Variants in PCDH15 observed in about 807,000 individuals in gnomAD.
PCDH15 encodes the protein protocadherin-15.
PCDH15 carries 129 observed loss-of-function variants against 178.5 expected under a neutral mutation model. The observed-to-expected ratio is 0.72, with a 90% CI of 0.63 to 0.84. The LOEUF (loss-of-function observed/expected upper bound fraction) is 0.84. PCDH15 is among the 40% of genes least tolerant of loss of function. PCDH15 has a pLI of 0.00. For synonymous variants in PCDH15, 800 were observed against 732.0 expected (o/e 1.09, Z -1.50); for missense variants, 2,230 against 2,099.9 (o/e 1.06, Z -1.21).
chr10:54,722,941 A>T (rs1252167026), intron 1 of PCDH15, among the ~76,000 whole-genome samples: 1 of 151,796 alleles, frequency 6.6e-6, no homozygotes, highest in Non-Finnish European at 1.5e-5. Context: ...GATTGGAAGA[A>T]TCAACATCAT....
At chr10:55,605,143 T>C (rs1183789110) in intron 2 of PCDH15, among the ~76,000 whole-genome samples, 3 of 151,352 alleles carry the variant, frequency 2.0e-5, no homozygotes, top group Non-Finnish European at 4.4e-5. Flanking sequence ...CTAGAAAATC[T>C]ACAAGAAATG....
chr10:55,320,590 T>C (rs531833884), upstream of PCDH15, among the ~76,000 whole-genome samples: 1 of 152,222 alleles, frequency 6.6e-6, no homozygotes, highest in Non-Finnish European at 1.5e-5. Flanking sequence ...GCCCTTCCAG[T>C]GCAGCAAGCT....
intron 2 of PCDH15, among the ~76,000 whole-genome samples, chr10:54,542,081 C>A (rs965541638): frequency 6.6e-6 from 1 of 152,060 alleles, no homozygotes; most frequent in Admixed American, 6.6e-5. Context: ...TAAATATGTC[C>A]TTAGCTGTCC....
intron 23 of PCDH15, among the ~76,000 whole-genome samples, chr10:53,952,565 C>T (rs909820551): frequency 2.0e-5 from 3 of 152,162 alleles, no homozygotes; most frequent in Non-Finnish European, 4.4e-5. Flanking sequence ...GGAGAAAGCA[C>T]CATAAGTTCT....
chr10:53,895,687 G>A (rs1279325756), intron 26 of PCDH15, among the ~76,000 whole-genome samples: 1 of 152,118 alleles, frequency 6.6e-6, no homozygotes, highest in Admixed American at 6.6e-5. Flanking sequence ...AAGACAACAT[G>A]CAATAAACTG....
chr10:54,401,131 G>A (rs1309102822), intron 3 of PCDH15, among the ~76,000 whole-genome samples: 1 of 151,972 alleles, frequency 6.6e-6, no homozygotes, highest in Admixed American at 6.6e-5. Flanking sequence ...TTCAGAGATA[G>A]TGCCTGGCTC....
intron 8 of PCDH15, among the ~76,000 whole-genome samples, chr10:54,261,571 G>T (rs942375555): frequency 6.6e-6 from 1 of 152,040 alleles, no homozygotes; most frequent in Non-Finnish European, 1.5e-5. Context: ...TATTAGATTT[G>T]TACCTGATAA....
chr10:53,824,384 TA>T (rs1262895909), intron 32 of PCDH15, among the ~76,000 whole-genome samples: 1 of 152,272 alleles, frequency 6.6e-6, no homozygotes, highest in East Asian at 1.9e-4. Flanking sequence ...AGTTACTGCT[TA>T]ATATTTACCC....
chr10:55,471,836 C>T (rs1321064387), intron 2 of PCDH15, among the ~76,000 whole-genome samples: 4 of 152,176 alleles, frequency 2.6e-5, no homozygotes, highest in Non-Finnish European at 5.9e-5. Context: ...TAAATCTTTG[C>T]CTCTCCCCTT....
chr10:55,232,143 T>C lies in PCDH15; in HGVS notation c.-155-65492A>G, dbSNP rs565326167. Among the ~76,000 whole-genome samples, 12 of 152,138 alleles carry C rather than the reference T, an allele frequency of 7.9e-5. No homozygotes were observed. In the East Asian group the frequency reaches 1.9e-3, roughly 25 times the overall value. On this transcript the variant is annotated intron_variant, in intron 1 of 5. Transcript: ENST00000458638. ...TGTCAAAATTATAGTCTGTGTTTTG[T>C]TGAATTTTAGATATGTGAAGTTTAA...
At chr10:54,510,953 G>A (rs978750728) in intron 3 of PCDH15, among the ~76,000 whole-genome samples, 6 of 152,122 alleles carry the variant, frequency 3.9e-5, no homozygotes, top group African/African-American at 1.4e-4. Context: ...GACCACTGGT[G>A]AACAAATGAC....
chr10:55,035,801 A>C (rs1840721024), intron 2 of PCDH15, among the ~76,000 whole-genome samples: 1 of 152,164 alleles, frequency 6.6e-6, no homozygotes, highest in Admixed American at 6.6e-5. Context: ...ATGTAAACAA[A>C]ATAGAAGAGA....
At chr10:54,410,500 G>A (rs1953334777) in intron 3 of PCDH15, among the ~76,000 whole-genome samples, 1 of 152,126 alleles carries the variant, frequency 6.6e-6, no homozygotes, top group African/African-American at 2.4e-5. Context: ...TATTCTAACA[G>A]CAACTGATGG....
intron 2 of PCDH15, among the ~76,000 whole-genome samples, chr10:55,423,801 A>T (rs1838682609): frequency 6.6e-6 from 1 of 152,148 alleles, no homozygotes; most frequent in Admixed American, 6.6e-5. Context: ...ATCAAACCTC[A>T]TGTTTTTATA....
chr10:54,478,678 A>C (rs2078458988), intron 3 of PCDH15, among the ~76,000 whole-genome samples: 2 of 152,094 alleles, frequency 1.3e-5, no homozygotes, highest in Non-Finnish European at 2.9e-5. Context: ...ATCTCTTTCC[A>C]TCTGGGAGCA....
intron 1 of PCDH15, among the ~76,000 whole-genome samples, chr10:55,227,145 A>G (rs924318818): frequency 1.4e-4 from 21 of 152,112 alleles, no homozygotes; most frequent in Admixed American, 2.6e-4. Context: ...TGAAATTTCA[A>G]AACATCATAG....
chr10:53,830,349 A>T (rs1391940588), intron 30 of PCDH15, among the ~76,000 whole-genome samples: 7 of 151,762 alleles, frequency 4.6e-5, no homozygotes, highest in Non-Finnish European at 4.4e-5. Context: ...CTATTTTAGT[A>T]TTTCCTCTGT....
intron 2 of PCDH15, among the ~76,000 whole-genome samples, chr10:55,332,384 G>A (rs1325706671): frequency 3.9e-5 from 6 of 152,004 alleles, no homozygotes; most frequent in African/African-American, 1.2e-4. Flanking sequence ...ACTGGAAGAG[G>A]TCCCCCATTG....
intron 2 of PCDH15, among the ~76,000 whole-genome samples, chr10:54,598,151 T>C (rs778876530): frequency 6.6e-6 from 1 of 152,028 alleles, no homozygotes; most frequent in Non-Finnish European, 1.5e-5. Flanking sequence ...ATCATCCTGA[T>C]AACAAAACCT....
Sources: gnomAD v4.1 joint callset for allele counts (sites outside exome capture counted in the v4.1 genomes callset) on GRCh38, gnomAD v4.1.1 for gene constraint, MANE v1.5 for transcripts, NCBI Gene and HGNC (gene_info 2026-07-23, HGNC 2026-07-21) for gene names.